The following BTNL9 variants were observed in gnomAD, a reference collection of about 807,000 sequenced individuals.
BTNL9 encodes butyrophilin-like protein 9.
A neutral mutation model predicts 45.8 loss-of-function variants in BTNL9; 45 were observed. The ratio of observed to expected loss-of-function variants is 0.98; its 90% CI spans 0.77 to 1.26. BTNL9 has a LOEUF of 1.26. BTNL9 is among the 50% of genes most tolerant of loss of function. The probability of loss-of-function intolerance (pLI) is 0.00; values close to 1 mark genes in which losing one functional copy is unlikely to be tolerated. For missense variants in BTNL9, 784 were observed against 729.7 expected (o/e 1.07, Z -0.86); for synonymous variants, 346 against 330.8 (o/e 1.05, Z -0.50).
chr5:181,059,057 A>G, intron 10 of BTNL9, 180 bp from the exon 11 acceptor site: 1 of 595,282 alleles, frequency 1.7e-6, no homozygotes, highest in Non-Finnish European at 2.1e-6. Context: ...AACACTCAGG[A>G]GTGACTGACA....
Position 181,059,716 on chromosome 5 carries a change from C to A in BTNL9, c.1462C>A (p.Pro488Thr). The change falls in exon 11 of 11, where the codon CCC becomes ACC. Residue 488 changes from proline to threonine, a missense_variant. Transcript: ENST00000327705. ...FSGALCAYFRPRAHDGGEHPD... is the reference protein window; with the variant it reads ...FSGALCAYFRTRAHDGGEHPD... Reference sequence around the variant, plus strand: ...GGGCGCGCTCTGTGCGTACTTCAGGCCCAGGGCCCACGACGGCGGCGAACA... The same window carrying A: ...GGGCGCGCTCTGTGCGTACTTCAGGACCAGGGCCCACGACGGCGGCGAACA... 1 of 1,613,520 alleles carries A rather than the reference C, an allele frequency of 6.2e-7. No homozygotes were observed. The highest frequency in any genetic ancestry group is 8.5e-7 in the Non-Finnish European group (1 of 1,179,964).
rs765773220 is a variant in BTNL9 at position 181,056,020 on chromosome 5, G to C, written c.955+5G>C. ...GACGGGCTGAAGGCCAGGCTGGTGA[G>C]TGGAACCCATCTCTCTCTGACTCCT... On this transcript the variant is annotated splice_donor_5th_base_variant and intron_variant, in intron 9 of 10. Transcript: ENST00000327705. 1 of 1,614,138 alleles carries C rather than the reference G, an allele frequency of 6.2e-7. No homozygotes were observed. Among genetic ancestry groups the C allele is most frequent in the Admixed American group, 1.7e-5 (1 of 60,026 alleles).
At chr5:181,045,624 C>A in intron 2 of BTNL9, 26 bp downstream of exon 2, 1 of 1,578,754 alleles carries the variant, frequency 6.3e-7, no homozygotes. Flanking sequence ...CCTAGCTGGC[C>A]AGGATGTGAA....
chr5:181,053,231 G>A lies in BTNL9; in HGVS notation c.768G>A (p.Lys256=). ...DVFVPGASAW[K]SAFVATLPLL... is the part of the protein sequence containing the mutation. ...TCGTACCCGGAGCCTCTGCGTGGAA[G>A]AGCGCGTTCGTCGCGACCCTGCCGC... Residue 256 remains lysine (K), a synonymous_variant, in exon 5 of 11, where the codon AAG becomes AAA. Transcript: ENST00000327705. This position sits in a 1 kb window ranked among gnomAD's most constrained non-coding sequence, Gnocchi z 6.5. 6.3e-7 allele frequency: 1 copy of A among 1,589,632 alleles called. No individual in the cohort carries two copies. The highest frequency in any genetic ancestry group is 8.6e-7 in the Non-Finnish European group (1 of 1,168,962).
Position 181,055,581 on chromosome 5 carries a change from A to AAC in BTNL9, c.928+132_928+133dup. 1 of 1,055,796 alleles carries AAC rather than the reference A, an allele frequency of 9.5e-7. No individual in the cohort carries two copies. The highest frequency in any genetic ancestry group is 1.5e-6 in the Non-Finnish European group (1 of 688,440). 65.4% of individuals were successfully genotyped at this position (1,055,796 alleles called of 1,614,324 possible). ...TCAGGAGATCGAGACCAGCCTGGCT[A>AAC]ACACAGTGAAACCCCGTCTCTTCTA... On this transcript the variant is annotated intron_variant, in intron 8 of 10. Transcript: ENST00000327705. The surrounding 1 kb of genome is among the most constrained non-coding windows in gnomAD (Gnocchi z 4.4).
intron 7 of BTNL9, chr5:181,054,531 G>A (rs954912010): frequency 3.8e-5 from 37 of 985,284 alleles, no homozygotes; most frequent in Admixed American, 6.1e-5. Context: ...TACTGTCTCC[G>A]GTTCATCTTC....
At position 181,045,657 on chromosome 5, in the gene BTNL9, T is replaced by G. The variant is rs1479521105; in HGVS notation, c.109+59T>G. On this transcript the variant is annotated intron_variant, in intron 2 of 10. Transcript: ENST00000327705. ...GAACGCCACCCCTCCTGCCAGGTGC[T>G]CCCCAGGGCTACGATCTTAGCACAG... 3.8e-4 allele frequency: 515 copies of G among 1,339,136 alleles called. 2 individuals are homozygous for G. Among genetic ancestry groups the G allele is most frequent in the Non-Finnish European group, 5.2e-5 (49 of 933,764 alleles). The allele number at this position is 1,339,136 out of a possible 1,614,324, so 83.0% of individuals were successfully genotyped here.
chr5:181,056,090 C>T, intron 9 of BTNL9, 75 bp downstream of exon 9: 1 of 1,506,720 alleles, frequency 6.6e-7, no homozygotes, highest in South Asian at 1.1e-5. Flanking sequence ...CCTGATTAAC[C>T]AATCAGGCTT....
At chr5:181,054,860 T>C (rs1175861047) in intron 7 of BTNL9, 16 of 985,362 alleles carry the variant, frequency 1.6e-5, no homozygotes, top group Non-Finnish European at 1.6e-5. Context: ...ATTAAGGCTA[T>C]AGTCTGAATT....
chr5:181,045,567 C>A lies in BTNL9; in HGVS notation c.78C>A (p.Leu26=). Residue 26 remains leucine, a synonymous_variant, in exon 2 of 11, where the codon CTC becomes CTA. Coordinates refer to ENST00000327705, the MANE Select transcript of BTNL9 (RefSeq NM_152547.5). The part of the protein sequence containing the change: ...LTSSLVFLMH[L]LLLQPGEPSS... The stretch of plus-strand genomic sequence containing the variant: ...GCAGTCTTGTCTTCCTCATGCACCT[C>A]CTCCTCCTTCAGCCTGGGGAGCCGA... 6.2e-7 allele frequency: 1 copy of A among 1,612,742 alleles called. No homozygotes were observed. The highest frequency in any genetic ancestry group is 2.2e-5 in the East Asian group (1 of 44,884).
At position 181,059,375 on chromosome 5, in the gene BTNL9, T is replaced by C; in HGVS notation, c.1121T>C (p.Leu374Pro). 6.5e-7 allele frequency: 1 copy of C among 1,536,288 alleles called. No individual in the cohort carries two copies. Among genetic ancestry groups the C allele is most frequent in the South Asian group, 1.2e-5 (1 of 83,492 alleles). ...CGGTTCTCGGAGCAGACGTGCGCGC[T>C]GAGCCTGGAGCGGTTCTCCGCCGGC... Reference protein sequence around the residue: ...PQRFSEQTCALSLERFSAGRH... With the variant: ...PQRFSEQTCAPSLERFSAGRH... The change falls in exon 11 of 11, where the codon CTG becomes CCG. Residue 374 changes from leucine (L) to proline (P), a missense_variant. Leu to Pro is a moderately conservative substitution (Grantham distance 98, BLOSUM62 -3). Transcript: ENST00000327705.
Position 181,059,554 on chromosome 5 carries a change from GC to G in BTNL9, c.1304del (p.Pro435ArgfsTer66). The stretch of plus-strand genomic sequence containing the variant: ...GAACGGCTGCGAGTACTTCGTCCTG[GC>G]CCCGCACCGCGTCGCGCTCACCCTG... ...LWNGCEYFVL[A>X]PHRVALTLRV... is the part of the protein sequence containing the mutation. On this transcript the variant is annotated frameshift_variant, in exon 11 of 11. Coordinates refer to ENST00000327705, the MANE Select transcript of BTNL9 (RefSeq NM_152547.5). LOFTEE classifies it low-confidence loss of function (END_TRUNC). The G allele has an allele frequency of 6.2e-7, 1 of 1,610,656 alleles. No homozygotes were observed. The highest frequency in any genetic ancestry group is 1.3e-5 in the African/African-American group (1 of 75,020).
intron 1 of BTNL9, among the ~76,000 whole-genome samples, chr5:181,043,088 G>GTAA (rs540461305): frequency 6.6e-6 from 1 of 152,004 alleles, no homozygotes; most frequent in Non-Finnish European, 1.5e-5. Flanking sequence ...GGACCTATTA[G>GTAA]TAATAATAAT....
Position 181,050,482 on chromosome 5 carries a change from G to T in BTNL9, c.736+113G>T. On this transcript the variant is annotated intron_variant, in intron 4 of 10. Coordinates refer to ENST00000327705, the MANE Select transcript of BTNL9 (RefSeq NM_152547.5). This position sits in a 1 kb window ranked among gnomAD's most constrained non-coding sequence, Gnocchi z 4.9. ...TACTGCGCCTGTCTGCATATAGGGT[G>T]TGTTGGCCTTGACACCTGAAAAGTC... 7.5e-7 allele frequency: 1 copy of T among 1,331,908 alleles called. No homozygotes were observed. Among genetic ancestry groups the T allele is most frequent in the African/African-American group, 1.5e-5 (1 of 68,278 alleles). 82.5% of individuals were successfully genotyped at this position (1,331,908 alleles called of 1,614,324 possible).
At position 181,041,261 on chromosome 5, in the gene BTNL9, G is replaced by A. The variant is rs1375915029; in HGVS notation, c.-24+829G>A. On this transcript the variant is annotated intron_variant, in intron 1 of 10. Transcript: ENST00000327705. ...AGGCGAGGGACTCCTGTGGGAGGAC[G>A]TGGCCTGTGGACACTGCCAGGTTCG... is the stretch of plus-strand genomic sequence containing the variant. Among the ~76,000 whole-genome samples the A allele has an allele frequency of 2.6e-5, 4 of 152,350 alleles. No individual in the cohort carries two copies. In the East Asian group the frequency reaches 5.8e-4, roughly 22 times the overall value.
Position 181,059,395 on chromosome 5 carries a change from G to A in BTNL9, c.1141G>A (p.Ala381Thr), listed in dbSNP as rs1452244126. 6.6e-7 allele frequency: 1 copy of A among 1,523,782 alleles called. No homozygotes were observed. Among genetic ancestry groups the A allele is most frequent in the Non-Finnish European group, 8.8e-7 (1 of 1,138,796 alleles). 94.4% of individuals were successfully genotyped at this position (1,523,782 alleles called of 1,614,324 possible). The stretch of plus-strand genomic sequence containing the variant: ...CGCGCTGAGCCTGGAGCGGTTCTCC[G>A]CCGGCCGCCACTACTGGGAGGTGCA... ...TCALSLERFS[A>T]GRHYWEVHVG... The change falls in exon 11 of 11, where the codon GCC becomes ACC. Residue 381 changes from alanine (A) to threonine (T), a missense_variant. Transcript: ENST00000327705.
rs550786702 is a variant in BTNL9 at position 181,042,519 on chromosome 5, G to A, written c.-24+2087G>A. On this transcript the variant is annotated intron_variant, in intron 1 of 10. Transcript: ENST00000327705. The surrounding 1 kb of genome is among the most constrained non-coding windows in gnomAD (Gnocchi z 4.5). ...ACTGAAGAGTGAGGTCAGAAAGGGC[G>A]GACGCACAGCAGCAAACGGGGAGGA... 9.8e-5 allele frequency among the ~76,000 whole-genome samples: 15 copies of A among 152,288 alleles called. No homozygotes were observed. The highest frequency in any genetic ancestry group is 3.4e-3 in the Middle Eastern group (1 of 294).
rs1761290686 is a variant in BTNL9 at position 181,048,182 on chromosome 5, G to C, written c.365G>C (p.Ser122Thr). The change falls in exon 3 of 11, where the codon AGC (serine) becomes ACC (threonine). Residue 122 changes from serine (S) to threonine (T), a missense_variant. Ser to Thr is a moderately conservative substitution (Grantham distance 58). Transcript: ENST00000327705. The part of the protein sequence containing the change: ...AYGSVVLQLH[S>T]IIPSDKGTYG... ...GGCAGCGTGGTCCTGCAGCTTCACA[G>C]CATCATCCCCTCTGACAAGGGCACA... 2 of 1,613,368 alleles carry C rather than the reference G, an allele frequency of 1.2e-6. No individual in the cohort carries two copies. The highest frequency in any genetic ancestry group is 1.7e-6 in the Non-Finnish European group (2 of 1,180,036).
chr5:181,051,389 T>C (rs1046565377), intron 4 of BTNL9, among the ~76,000 whole-genome samples: 4 of 152,192 alleles, frequency 2.6e-5, no homozygotes, highest in African/African-American at 7.2e-5. Flanking sequence ...CCCTTTGATA[T>C]AGTCAGTCAG....
Sources: allele counts gnomAD v4.1 joint callset (sites outside exome capture counted in the v4.1 genomes callset), GRCh38; gene constraint gnomAD v4.1.1; non-coding constraint Gnocchi (gnomAD v3.1); transcripts MANE v1.5; gene names NCBI Gene and HGNC (gene_info 2026-07-23, HGNC 2026-07-21).